Variants in CPEB3 observed in about 807,000 individuals in gnomAD.
The protein encoded by CPEB3 is cytoplasmic polyadenylation element binding protein 3.
In CPEB3, 20 loss-of-function variants were observed where a neutral mutation model predicts 67.2. The ratio of observed to expected loss-of-function variants is 0.30; its 90% confidence interval spans 0.21 to 0.43. The LOEUF (loss-of-function observed/expected upper bound fraction) is 0.43. Among genes scored for constraint, CPEB3 ranks in the 20% least tolerant of loss-of-function variants. CPEB3 has a pLI of 1.00. For synonymous variants in CPEB3, 376 were observed against 393.1 expected (o/e 0.96, Z 0.51); for missense variants, 746 against 968.6 (o/e 0.77, Z 3.05).
chr10:92,203,440 A>G (rs903916348), intron 2 of CPEB3, among the ~76,000 whole-genome samples: 6 of 138,106 alleles, frequency 4.3e-5, no homozygotes, highest in Non-Finnish European at 6.0e-5. Flanking sequence ...ATATATGTAT[A>G]TGTATATATA....
At chr10:92,216,228 G>C in intron 2 of CPEB3, 1 of 1,029,998 alleles carries the variant, frequency 9.7e-7, no homozygotes, top group East Asian at 2.6e-5. Context: ...ACAAGGTCAA[G>C]AGATCAAGAT....
At chr10:92,207,118 G>A (rs1475340335) in intron 2 of CPEB3, among the ~76,000 whole-genome samples, 1 of 152,078 alleles carries the variant, frequency 6.6e-6, no homozygotes, top group East Asian at 1.9e-4. Context: ...GAGTAGCTGG[G>A]ACCACAGGCA....
At chr10:92,148,429 T>C (rs1303126171) in intron 4 of CPEB3, among the ~76,000 whole-genome samples, 1 of 152,216 alleles carries the variant, frequency 6.6e-6, no homozygotes. Flanking sequence ...TTCCTCAGGT[T>C]GAACTTTCCT....
At chr10:92,063,851 AT>A (rs1842451789) in intron 9 of CPEB3, among the ~76,000 whole-genome samples, 1 of 152,178 alleles carries the variant, frequency 6.6e-6, no homozygotes, top group Non-Finnish European at 1.5e-5. Context: ...AGAAACAAGG[AT>A]TTCAGATAAC....
At chr10:92,286,310 C>G (rs1458575309) in intron 1 of CPEB3, among the ~76,000 whole-genome samples, 3 of 151,990 alleles carry the variant, frequency 2.0e-5, no homozygotes, top group Non-Finnish European at 4.4e-5. Context: ...ATAGGCCAGG[C>G]ACAGTGGCTC....
intron 1 of CPEB3, among the ~76,000 whole-genome samples, chr10:92,264,542 GT>G (rs1360273073): frequency 2.0e-5 from 3 of 151,906 alleles, no homozygotes; most frequent in Non-Finnish European, 2.9e-5. Context: ...TGGTAATCAT[GT>G]TTTTTCTCAA....
chr10:92,135,761 A>C (rs1439174034), intron 6 of CPEB3, among the ~76,000 whole-genome samples: 7 of 152,162 alleles, frequency 4.6e-5, no homozygotes, highest in Non-Finnish European at 8.8e-5. Flanking sequence ...GGAGCCAACC[A>C]AAATGTCCAT....
intron 2 of CPEB3, among the ~76,000 whole-genome samples, chr10:92,199,761 C>T (rs1207895230): frequency 3.3e-5 from 5 of 150,566 alleles, no homozygotes; most frequent in African/African-American, 1.2e-4. Flanking sequence ...TTATTTTCTA[C>T]TCAGTATATG....
intron 1 of CPEB3, among the ~76,000 whole-genome samples, chr10:92,256,081 A>C (rs1346591998): frequency 6.6e-6 from 1 of 152,196 alleles, no homozygotes; most frequent in Non-Finnish European, 1.5e-5. Context: ...GTGTAGTCAC[A>C]CAAGTTAGGA....
At chr10:92,245,910 C>T (rs1440627173) in intron 1 of CPEB3, among the ~76,000 whole-genome samples, 2 of 152,000 alleles carry the variant, frequency 1.3e-5, no homozygotes, top group East Asian at 1.9e-4. Flanking sequence ...TGGTGGCAGG[C>T]GCCTGTAATC....
At chr10:92,129,218 T>A (rs1469655291) in intron 6 of CPEB3, among the ~76,000 whole-genome samples, 2 of 152,212 alleles carry the variant, frequency 1.3e-5, no homozygotes, top group African/African-American at 4.8e-5. Context: ...GAGGCTATTA[T>A]CCTTAGCAAA....
rs550961752 is a variant in CPEB3 at position 92,127,914 on chromosome 10, G to A, written c.1453+15115C>T. 1.6e-3 allele frequency among the ~76,000 whole-genome samples: 212 copies of A among 134,976 alleles called. 2 individuals carry two copies. The highest frequency in any genetic ancestry group is 8.8e-3 in the South Asian group (42 of 4,784). The allele number at this position is 134,976 out of a possible 152,430, so 88.5% of individuals were successfully genotyped here. On this transcript the variant is annotated intron_variant, in intron 6 of 9. Coordinates refer to ENST00000265997, the MANE Select transcript of CPEB3 (RefSeq NM_014912.5). ...CAAGTACAAGACTCATACCAATGTG[G>A]CCCCTGGGTTCTTCAGGGGTGCACT...
chr10:92,124,711 G>A (rs117579373), intron 6 of CPEB3, among the ~76,000 whole-genome samples: 222 of 152,104 alleles, frequency 1.5e-3, no homozygotes, highest in Non-Finnish European at 2.5e-3. Flanking sequence ...ATCAGTTTAC[G>A]TAACTCAGAA....
At chr10:92,118,865 C>T (rs1845178499) in intron 6 of CPEB3, 2 of 804,718 alleles carry the variant, frequency 2.5e-6, no homozygotes, top group Non-Finnish European at 4.5e-6. Flanking sequence ...GGCCATCTGC[C>T]ACCATGACAC....
intron 9 of CPEB3, among the ~76,000 whole-genome samples, chr10:92,069,048 G>C (rs1346285505): frequency 6.6e-6 from 1 of 152,196 alleles, no homozygotes; most frequent in African/African-American, 2.4e-5. Flanking sequence ...ACTAAGGATA[G>C]GAGTAGAAAT....
chr10:92,275,187 A>G (rs910146277), intron 1 of CPEB3, among the ~76,000 whole-genome samples: 1 of 152,204 alleles, frequency 6.6e-6, no homozygotes, highest in African/African-American at 2.4e-5. Context: ...TTTAGGCTAC[A>G]TAACTCTTTG....
Position 92,239,371 on chromosome 10 carries a change from T to C in CPEB3, c.980A>G (p.Asn327Ser), listed in dbSNP as rs778635646. ...WMEDNAFRTD[N>S]GNNLLPFQDR... ...CTGAAATGGCAACAGATTGTTACCA[T>C]TATCGGTCCGGAAAGCGTTATCCTC... The change falls in exon 2 of 10, where the codon AAT becomes AGT. Residue 327 changes from asparagine (N) to serine (S), a missense_variant. Coordinates refer to ENST00000265997, the MANE Select transcript of CPEB3 (RefSeq NM_014912.5). The surrounding 1 kb of genome is among the most constrained non-coding windows in gnomAD (Gnocchi z 6.0). The C allele has an allele frequency of 1.2e-6, 2 of 1,606,670 alleles. No individual in the cohort carries two copies. The highest frequency in any genetic ancestry group is 1.7e-6 in the Non-Finnish European group (2 of 1,176,756).
At chr10:92,094,378 G>A (rs1472140166) in intron 7 of CPEB3, among the ~76,000 whole-genome samples, 3 of 151,874 alleles carry the variant, frequency 2.0e-5, no homozygotes, top group Non-Finnish European at 2.9e-5. Flanking sequence ...CGAGGCAGGC[G>A]GATCACGAGG....
intron 1 of CPEB3, among the ~76,000 whole-genome samples, chr10:92,248,081 G>A (rs1461940178): frequency 6.6e-6 from 1 of 152,068 alleles, no homozygotes; most frequent in East Asian, 1.9e-4. Context: ...GGTATCTTGT[G>A]GGCGTAGTTC....
Sources: allele counts gnomAD v4.1 joint callset (sites outside exome capture counted in the v4.1 genomes callset), GRCh38; gene constraint gnomAD v4.1.1; non-coding constraint Gnocchi (gnomAD v3.1); transcripts MANE v1.5; gene names NCBI Gene and HGNC (gene_info 2026-07-23, HGNC 2026-07-21).